Variants in ATAD2B observed in about 807,000 individuals in gnomAD.
ATAD2B encodes the protein ATPase family AAA domain containing 2B.
ATAD2B carries 40 observed loss-of-function variants against 167.6 expected under a neutral mutation model. The observed-to-expected ratio is 0.24, with a 90% confidence interval of 0.19 to 0.31. The LOEUF is 0.31. Ranked by LOEUF, ATAD2B falls within the 10% of genes least tolerant of loss-of-function variation. The probability of loss-of-function intolerance (pLI) is 1.00; values close to 1 mark genes in which losing one functional copy is unlikely to be tolerated. For synonymous variants in ATAD2B, 579 were observed against 596.5 expected, an observed-to-expected ratio of 0.97 and a Z score of 0.43; for missense variants, 1,242 against 1,757.2, an observed-to-expected ratio of 0.71 and a Z score of 5.24.
the ATAD2B span, among the ~76,000 whole-genome samples, chr2:23,701,878 G>A: frequency 3.8e-5 from 5 of 131,084 alleles, no homozygotes; most frequent in South Asian, 2.6e-4. Flanking sequence ...TTGGCTCACC[G>A]CAGCCTCTGC....
intron 13 of ATAD2B, among the ~76,000 whole-genome samples, chr2:23,849,286 G>C (rs764116122): frequency 3.3e-5 from 5 of 152,128 alleles, no homozygotes; most frequent in Non-Finnish European, 7.4e-5. Context: ...ATGAAGTCTA[G>C]AATAGGTGAA....
At chr2:23,903,631 A>G (rs1407198387) in intron 1 of ATAD2B, among the ~76,000 whole-genome samples, 1 of 152,218 alleles carries the variant, frequency 6.6e-6, no homozygotes, top group African/African-American at 2.4e-5. Flanking sequence ...AAATGAATAG[A>G]TGCTGCTCTG....
At chr2:23,886,930 C>CA (rs771470947) in intron 4 of ATAD2B, among the ~76,000 whole-genome samples, 9,066 of 116,276 alleles carry the variant, frequency 0.078, 383 homozygotes, top group African/African-American at 0.15. Flanking sequence ...GACTCCATCT[C>CA]AAAAAAAAAA....
intron 14 of ATAD2B, among the ~76,000 whole-genome samples, chr2:23,829,732 G>C (rs1416746789): frequency 6.6e-6 from 1 of 152,038 alleles, no homozygotes; most frequent in African/African-American, 2.4e-5. Flanking sequence ...TGCCAGCCTG[G>C]GTGATAAGAG....
the ATAD2B span, among the ~76,000 whole-genome samples, chr2:23,737,742 A>T: frequency 1.1e-4 from 17 of 152,346 alleles, no homozygotes; most frequent in Middle Eastern, 3.4e-3. Context: ...AGACGATCAA[A>T]CTACTCCGAG....
intron 22 of ATAD2B, among the ~76,000 whole-genome samples, chr2:23,768,435 G>C (rs1359234121): frequency 6.6e-6 from 1 of 152,052 alleles, no homozygotes; most frequent in African/African-American, 2.4e-5. Context: ...GGCAAGCATG[G>C]TGGTGCATGC....
rs569993882 is a variant in ATAD2B at position 23,808,628 on chromosome 2, T to G, written c.2454+1688A>C. ...CACCTTATGGAATTTCTTTATTGTC[T>G]TACATCATTTTTTAGTTGACACTGT... On this transcript the variant is annotated intron_variant, in intron 18 of 27. Transcript: ENST00000238789. Among the ~76,000 whole-genome samples, 9 of 152,316 alleles carry G rather than the reference T, an allele frequency of 5.9e-5. No individual in the cohort carries two copies. The South Asian group carries it at 1.9e-3, about 32-fold the overall frequency.
At chr2:23,732,217 TG>T in the ATAD2B span, among the ~76,000 whole-genome samples, 1 of 152,048 alleles carries the variant, frequency 6.6e-6, no homozygotes, top group Non-Finnish European at 1.5e-5. Flanking sequence ...ATCCAGACTG[TG>T]GGAAATTCAA....
chr2:23,776,698 T>C (rs769187630), intron 22 of ATAD2B, among the ~76,000 whole-genome samples: 2 of 152,178 alleles, frequency 1.3e-5, no homozygotes, highest in African/African-American at 4.8e-5. Context: ...AGGTAACGTA[T>C]TTCTAATAAG....
At chr2:23,778,865 C>T (rs1407103360) in intron 22 of ATAD2B, among the ~76,000 whole-genome samples, 2 of 152,186 alleles carry the variant, frequency 1.3e-5, no homozygotes, top group Non-Finnish European at 2.9e-5. Context: ...AATCCAAAGC[C>T]CATATTCTCA....
At chr2:23,870,463 T>G (rs1196042748) in intron 8 of ATAD2B, among the ~76,000 whole-genome samples, 2 of 151,638 alleles carry the variant, frequency 1.3e-5, no homozygotes, top group African/African-American at 4.8e-5. Context: ...TTTTTGTACT[T>G]TTTGTAAAGA....
At chr2:23,766,509 A>C (rs577945861) in intron 22 of ATAD2B, among the ~76,000 whole-genome samples, 2 of 152,308 alleles carry the variant, frequency 1.3e-5, no homozygotes, top group African/African-American at 4.8e-5. Context: ...TCATTGTGGT[A>C]ATCTTACAAA....
Position 23,840,430 on chromosome 2 carries a change from C to T in ATAD2B, c.1569-6352G>A, listed in dbSNP as rs181363594. The stretch of plus-strand genomic sequence containing the variant: ...TTTTTTTCAAAGAACCAACTTTTGG[C>T]CTTCTTGATTTCTACTATATCTTTG... On this transcript the variant is annotated intron_variant, in intron 13 of 27. Transcript: ENST00000238789. Among the ~76,000 whole-genome samples, 4 of 152,202 alleles carry T rather than the reference C, an allele frequency of 2.6e-5. No individual in the cohort carries two copies. The East Asian group carries it at 7.7e-4, about 29-fold the overall frequency.
the ATAD2B span, among the ~76,000 whole-genome samples, chr2:23,687,294 G>A: frequency 2.0e-5 from 3 of 152,160 alleles, no homozygotes; most frequent in Non-Finnish European, 4.4e-5. Context: ...TGCTGTCCCC[G>A]CATCCCCAGG....
chr2:23,870,717 G>A (rs1695839598), intron 8 of ATAD2B, among the ~76,000 whole-genome samples: 1 of 149,880 alleles, frequency 6.7e-6, no homozygotes, highest in African/African-American at 2.5e-5. Context: ...TCACAGTCCA[G>A]ACATTTAAAG....
intron 18 of ATAD2B, among the ~76,000 whole-genome samples, chr2:23,807,627 T>C (rs958743049): frequency 6.6e-6 from 1 of 151,606 alleles, no homozygotes; most frequent in Non-Finnish European, 1.5e-5. Context: ...CCATCCTGGC[T>C]AACATGGTGA....
the ATAD2B span, among the ~76,000 whole-genome samples, chr2:23,724,346 T>C: frequency 6.6e-6 from 1 of 152,226 alleles, no homozygotes; most frequent in East Asian, 1.9e-4. Context: ...CACCATACAT[T>C]GTATGTGTTG....
At chr2:23,804,920 A>G (rs1684121106) in intron 18 of ATAD2B, among the ~76,000 whole-genome samples, 1 of 151,996 alleles carries the variant, frequency 6.6e-6, no homozygotes, top group Admixed American at 6.6e-5. Context: ...AGGCGGGTAG[A>G]TCACCTGAGG....
At chr2:23,755,457 C>G (rs75643170) in intron 25 of ATAD2B, among the ~76,000 whole-genome samples, 1 of 152,062 alleles carries the variant, frequency 6.6e-6, no homozygotes, top group South Asian at 2.1e-4. Flanking sequence ...CATAATTTCA[C>G]GAACCCAGGC....
Sources: allele counts gnomAD v4.1 joint callset (sites outside exome capture counted in the v4.1 genomes callset), GRCh38; gene constraint gnomAD v4.1.1; transcripts MANE v1.5; gene names NCBI Gene and HGNC (gene_info 2026-07-23, HGNC 2026-07-21).